The following TENM4 variants were observed in gnomAD, a reference collection of about 807,000 sequenced individuals.
The protein encoded by TENM4 is teneurin transmembrane protein 4.
TENM4 carries 82 observed loss-of-function variants against 243.3 expected under a neutral mutation model. The observed-to-expected ratio is 0.34, with a 90% CI of 0.28 to 0.40. The LOEUF is 0.40. TENM4 is among the 10% of genes least tolerant of loss of function. The pLI, the probability that TENM4 is intolerant of heterozygous loss-of-function variation, is 1.00. For missense variants in TENM4, 3,138 were observed against 3,673.3 expected (o/e 0.85, Z 3.77); for synonymous variants, 1,412 against 1,456.3 (o/e 0.97, Z 0.69).
Position 78,800,079 on chromosome 11 carries a change from T to G in TENM4, c.2179+5213A>C, listed in dbSNP as rs143705480. Among the ~76,000 whole-genome samples, 582 of 152,288 alleles carry G rather than the reference T, an allele frequency of 3.8e-3. 2 individuals are homozygous for G. Among genetic ancestry groups the G allele is most frequent in the African/African-American group, 0.012 (504 of 41,552 alleles). On this transcript the variant is annotated intron_variant, in intron 15 of 33. Coordinates refer to ENST00000278550, the MANE Select transcript of TENM4 (RefSeq NM_001098816.3). ...GAAAATGCCACAGAGGCTAAAATCT[T>G]TAGAAGCCATTAAGCTCTGAAAGAA... is the stretch of plus-strand genomic sequence containing the variant.
chr11:79,411,597 G>A (rs1014776469), intron 1 of TENM4, among the ~76,000 whole-genome samples: 5 of 152,076 alleles, frequency 3.3e-5, no homozygotes, highest in Admixed American at 3.3e-4. Context: ...TCTTCTTGGT[G>A]CTCTTCTGCT....
chr11:79,324,634 A>T (rs138891484), intron 1 of TENM4, among the ~76,000 whole-genome samples: 17 of 152,322 alleles, frequency 1.1e-4, no homozygotes, highest in African/African-American at 4.1e-4. Flanking sequence ...ATAGATATAG[A>T]TATAATCACA....
At chr11:79,000,265 G>A (rs1198339399) in intron 6 of TENM4, among the ~76,000 whole-genome samples, 1 of 152,112 alleles carries the variant, frequency 6.6e-6, no homozygotes, top group Non-Finnish European at 1.5e-5. Flanking sequence ...TAAGCTGAAA[G>A]GGAATAATAT....
chr11:79,391,722 T>G (rs995461732), intron 1 of TENM4, among the ~76,000 whole-genome samples: 1 of 152,222 alleles, frequency 6.6e-6, no homozygotes, highest in Admixed American at 6.5e-5. Context: ...TGGCTTTGAT[T>G]ATGGAGCACA....
chr11:78,739,921 T>C (rs1855882459), intron 19 of TENM4, among the ~76,000 whole-genome samples: 2 of 152,312 alleles, frequency 1.3e-5, no homozygotes, highest in South Asian at 4.1e-4. Context: ...GACTTGAACC[T>C]GGGCCTCACC....
intron 3 of TENM4, among the ~76,000 whole-genome samples, chr11:79,174,933 C>T (rs974740217): frequency 6.6e-6 from 1 of 152,180 alleles, no homozygotes; most frequent in African/African-American, 2.4e-5. Context: ...CTACACTCTC[C>T]TCAGCTACCC....
In TENM4 at chr11:79,094,833, G is replaced by A. The variant is rs540085525; in HGVS notation, c.-65-24824C>T. On this transcript the variant is annotated intron_variant, in intron 4 of 33. Transcript: ENST00000278550. ...GCTAGGGCTCTCCCAGGGAGTTTGCGGAAGATTCAAAGGCTGGGGCCTGAT... is the reference window on the plus strand; with the variant it reads ...GCTAGGGCTCTCCCAGGGAGTTTGCAGAAGATTCAAAGGCTGGGGCCTGAT... Among the ~76,000 whole-genome samples, 19 of 152,290 alleles carry A rather than the reference G, an allele frequency of 1.2e-4. No homozygotes were observed. The South Asian group carries it at 2.7e-3, about 22-fold the overall frequency.
rs376165926 is a variant in TENM4, at chr11:79,270,083, C to T, written c.-265+27405G>A. ...TCCTCAGTGATTGCTGGATTTGTCC[C>T]CAGGTTCCCATCCCCCTAGCACCAC... On this transcript the variant is annotated intron_variant, in intron 2 of 33. Coordinates refer to ENST00000278550, the MANE Select transcript of TENM4 (RefSeq NM_001098816.3). 3.9e-5 allele frequency among the ~76,000 whole-genome samples: 6 copies of T among 152,152 alleles called. No individual in the cohort carries two copies. The South Asian group carries it at 6.3e-4, about 16-fold the overall frequency.
At chr11:79,399,599 G>A (rs1179333146) in intron 1 of TENM4, among the ~76,000 whole-genome samples, 1 of 152,120 alleles carries the variant, frequency 6.6e-6, no homozygotes, top group Non-Finnish European at 1.5e-5. Context: ...TAATTAACAG[G>A]CATCGAGTCT....
intron 24 of TENM4, among the ~76,000 whole-genome samples, chr11:78,721,273 G>A (rs1256339621): frequency 6.6e-6 from 1 of 152,208 alleles, no homozygotes; most frequent in Non-Finnish European, 1.5e-5. Context: ...TCCCCTGGTG[G>A]TCCTCTTCTC....
intron 1 of TENM4, among the ~76,000 whole-genome samples, chr11:79,351,625 G>A (rs1857416742): frequency 6.6e-6 from 1 of 152,130 alleles, no homozygotes; most frequent in Non-Finnish European, 1.5e-5. Context: ...AAGATTGCTT[G>A]AACCCAGGAG....
intron 24 of TENM4, 123 bp downstream of exon 24, chr11:78,722,545 G>A (rs972301537): frequency 8.1e-6 from 11 of 1,363,810 alleles, no homozygotes; most frequent in African/African-American, 1.5e-5. Context: ...AAAAGTCTCA[G>A]AGCCTGACGG....
intron 6 of TENM4, among the ~76,000 whole-genome samples, chr11:78,939,476 T>C (rs1048623132): frequency 6.6e-6 from 1 of 152,250 alleles, no homozygotes; most frequent in Non-Finnish European, 1.5e-5. Context: ...GATATCTTTG[T>C]GCATGGTATT....
chr11:78,845,697 C>T (rs537053342), intron 12 of TENM4, among the ~76,000 whole-genome samples: 4 of 152,138 alleles, frequency 2.6e-5, no homozygotes, highest in African/African-American at 7.2e-5. Context: ...ATGTGAGAAC[C>T]CTCTCAAAGC....
At chr11:78,964,821 ACCT>A (rs1474779441) in intron 6 of TENM4, among the ~76,000 whole-genome samples, 1 of 151,896 alleles carries the variant, frequency 6.6e-6, no homozygotes, top group Non-Finnish European at 1.5e-5. Flanking sequence ...TCACAGACTT[ACCT>A]CCTATTAGTT....
intron 1 of TENM4, among the ~76,000 whole-genome samples, chr11:79,353,700 G>A (rs966838266): frequency 2.0e-5 from 3 of 149,764 alleles, no homozygotes; most frequent in Admixed American, 2.0e-4. Flanking sequence ...GGCTACAAAG[G>A]ATATACTCAT....
chr11:79,432,319 T>C (rs551332570), intron 1 of TENM4, among the ~76,000 whole-genome samples: 1 of 152,344 alleles, frequency 6.6e-6, no homozygotes. Flanking sequence ...TGGGATGATG[T>C]GAGGGTCAGC....
intron 15 of TENM4, among the ~76,000 whole-genome samples, chr11:78,792,615 G>A (rs1459472742): frequency 6.6e-6 from 1 of 152,150 alleles, no homozygotes; most frequent in Non-Finnish European, 1.5e-5. Context: ...TGGTCCCCTG[G>A]CACTAGCACC....
At chr11:79,176,588 A>G (rs1565236624) in intron 3 of TENM4, among the ~76,000 whole-genome samples, 1 of 152,244 alleles carries the variant, frequency 6.6e-6, no homozygotes, top group African/African-American at 2.4e-5. Flanking sequence ...AGTACTTTTA[A>G]TTACTTGACA....
Sources: allele counts gnomAD v4.1 joint callset (sites outside exome capture counted in the v4.1 genomes callset), GRCh38; gene constraint gnomAD v4.1.1; transcripts MANE v1.5; gene names NCBI Gene and HGNC (gene_info 2026-07-23, HGNC 2026-07-21).